NCL: variants seen among roughly 807,000 people sequenced by gnomAD.
NCL encodes nucleolin multifunctional protein.
NCL carries 4 observed loss-of-function variants against 77.7 expected under a neutral mutation model. The observed-to-expected ratio is 0.05, with a 90% CI of 0.03 to 0.12. The LOEUF is 0.12. Ranked by LOEUF, NCL falls within the 10% of genes least tolerant of loss-of-function variation. The pLI is 1.00. For missense variants in NCL, 763 were observed against 860.9 expected (o/e 0.89, Z 1.42); for synonymous variants, 344 against 297.8 (o/e 1.16, Z -1.60).
rs771632006 is a variant in NCL at position 231,455,887 on chromosome 2, C to A, written c.1832+123G>T. 4.8e-6 allele frequency: 7 copies of A among 1,469,028 alleles called. No individual in the cohort carries two copies. The Admixed American group carries it at 1.2e-4, about 25-fold the overall frequency. 91.0% of individuals were successfully genotyped at this position (1,469,028 alleles called of 1,614,324 possible). A position where few individuals can be genotyped will look rare whatever the true frequency, so the allele number is the denominator to read the frequency against. ...CTGTGAATTCTCTCTTCTTCTCGTG[C>A]GAATCCATAAACTGCCACTGATAGA... On this transcript the variant is annotated intron_variant, in intron 12 of 13. Coordinates refer to ENST00000322723, the MANE Select transcript of NCL (RefSeq NM_005381.3).
chr2:231,462,456 T>C (rs535810930), intron 2 of NCL: 1 of 445,552 alleles, frequency 2.2e-6, no homozygotes, highest in African/African-American at 2.0e-5. Flanking sequence ...CCAAGCCCAG[T>C]GAAGCTCAAT....
rs199522934 is a variant in NCL at position 231,455,603 on chromosome 2, G to A, written c.1854C>T (p.Asn618=). The A allele has an allele frequency of 5.6e-6, 9 of 1,614,098 alleles. No individual in the cohort carries two copies. The highest frequency in any genetic ancestry group is 7.6e-6 in the Non-Finnish European group (9 of 1,180,022). ...TGGCAGCTTTGGCATCCTCCTCACT[G>A]TTGAAGTCTACAAAACCAAACCTAG... is the stretch of plus-strand genomic sequence containing the variant. ...SSKGFGFVDF[N]SEEDAKAAKE... is the part of the protein sequence containing the mutation. Residue 618 remains asparagine (N), a synonymous_variant, in exon 13 of 14, where the codon AAC becomes AAT. Coordinates refer to ENST00000322723, the MANE Select transcript of NCL (RefSeq NM_005381.3).
chr2:231,463,331 A>G lies in NCL; in HGVS notation c.19-15T>C, dbSNP rs759283715. Reference sequence around the variant, plus strand: ...TTTTTACCTGCCTAAAATGGACACAAATAGATCATTACACCTCCACCTCGA... The same window carrying G: ...TTTTTACCTGCCTAAAATGGACACAGATAGATCATTACACCTCCACCTCGA... On this transcript the variant is annotated splice_polypyrimidine_tract_variant and intron_variant, in intron 1 of 13. Transcript: ENST00000322723. 6.6e-7 allele frequency: 1 copy of G among 1,515,148 alleles called. No homozygotes were observed. Among genetic ancestry groups the G allele is most frequent in the Non-Finnish European group, 9.1e-7 (1 of 1,093,690 alleles). 93.9% of individuals were successfully genotyped at this position (1,515,148 alleles called of 1,614,324 possible).
rs2046933718 is a variant in NCL, at chr2:231,460,249, T to G, written c.943A>C (p.Asn315His). 1 of 1,613,976 alleles carries G rather than the reference T, an allele frequency of 6.2e-7. No homozygotes were observed. The highest frequency in any genetic ancestry group is 1.3e-5 in the African/African-American group (1 of 74,930). The change falls in exon 6 of 14, where the codon AAC becomes CAC. Residue 315 changes from asparagine to histidine, a missense_variant. Coordinates refer to ENST00000322723, the MANE Select transcript of NCL (RefSeq NM_005381.3). Reference sequence around the variant, plus strand: ...AATTCAGGAGCAGATTTGTTAAAGTTTAGGTTTCCAACAAAGAGATTGAAA... The same window carrying G: ...AATTCAGGAGCAGATTTGTTAAAGTGTAGGTTTCCAACAAAGAGATTGAAA... ...TAFNLFVGNL[N>H]FNKSAPELKT...
At chr2:231,457,324 T>G (rs111706495) in intron 9 of NCL, 200 bp from the exon 10 acceptor site, 11 of 815,684 alleles carry the variant, frequency 1.3e-5, no homozygotes, top group Non-Finnish European at 2.1e-5. Context: ...TGTTCTTACA[T>G]AGGCTGATGA....
At chr2:231,456,196 C>T (rs2046886201) in intron 11 of NCL, 60 bp from the exon 12 acceptor site, 1 of 1,602,694 alleles carries the variant, frequency 6.2e-7, no homozygotes, top group Non-Finnish European at 8.5e-7. Context: ...ACTGAATTTG[C>T]ACAATGCCTA....
In NCL at chr2:231,460,146, A is replaced by G. The variant is rs780127067; in HGVS notation, c.1040+6T>C. On this transcript the variant is annotated splice_donor_region_variant and intron_variant, in intron 6 of 13. Coordinates refer to ENST00000322723, the MANE Select transcript of NCL (RefSeq NM_005381.3). ...ACGTGTATGTAACGTGCAGTGAAGC[A>G]CTTACCTAGTCATACCAATTCTGAC... The G allele has an allele frequency of 2.3e-5, 37 of 1,610,486 alleles. No homozygotes were observed. Among genetic ancestry groups the G allele is most frequent in the East Asian group, 8.9e-5 (4 of 44,886 alleles).
At chr2:231,462,615 G>A (rs2046963237) in intron 2 of NCL, 2 of 500,830 alleles carry the variant, frequency 4.0e-6, no homozygotes, top group South Asian at 1.4e-5. Flanking sequence ...ATGTGTGGAA[G>A]AGTAAAACTT....
rs148336235 is a variant in NCL at position 231,461,882 on chromosome 2, C to T, written c.271G>A (p.Ala91Thr). The T allele has an allele frequency of 4.3e-6, 7 of 1,614,234 alleles. No homozygotes were observed. Among genetic ancestry groups the T allele is most frequent in the East Asian group, 2.2e-5 (1 of 44,890 alleles). Reference protein sequence around the residue: ...AAVTPGKKAAATPAKKTVTPA... With the variant: ...AAVTPGKKAATTPAKKTVTPA... ...GTAACTGTCTTCTTGGCAGGTGTTGCTGCTGCCTTTTTGCCTGGAGTGACA... is the reference window on the plus strand; with the variant it reads ...GTAACTGTCTTCTTGGCAGGTGTTGTTGCTGCCTTTTTGCCTGGAGTGACA... The change falls in exon 3 of 14, where the codon GCA (alanine) becomes ACA (threonine). Residue 91 changes from alanine (A) to threonine (T), a missense_variant. Around this residue, in one of 2 missense-constraint regions of NCL, gnomAD observed 590 missense variants for 570.5 expected, o/e 1.03. Transcript: ENST00000322723.
chr2:231,455,138 A>G lies in NCL; in HGVS notation c.*53T>C, dbSNP rs1202537528. ...TCTGTCATTGATCAGGTAACAGTAA[A>G]AACCCCAGAGTCCTTTCTTTCAAAT... On this transcript the variant is annotated 3_prime_UTR_variant, in exon 14 of 14. Coordinates refer to ENST00000322723, the MANE Select transcript of NCL (RefSeq NM_005381.3). 1 of 1,601,878 alleles carries G rather than the reference A, an allele frequency of 6.2e-7. No individual in the cohort carries two copies. Among genetic ancestry groups the G allele is most frequent in the Non-Finnish European group, 8.5e-7 (1 of 1,170,126 alleles).
At chr2:231,460,912 A>T in intron 3 of NCL, 46 bp from the exon 4 acceptor site, 1 of 1,430,972 alleles carries the variant, frequency 7.0e-7, no homozygotes. Flanking sequence ...CCCAAAACCA[A>T]CATCGGTTTT....
intron 6 of NCL, among the ~76,000 whole-genome samples, 183 bp from the exon 7 acceptor site, chr2:231,459,308 A>G (rs1338430994): frequency 1.3e-5 from 2 of 152,202 alleles, no homozygotes; most frequent in Non-Finnish European, 2.9e-5. Context: ...CTCAGCATGA[A>G]GATATGACAT....
chr2:231,454,846 C>CAAAAAAAAAAAAA lies in NCL; in HGVS notation c.*332_*344dup, dbSNP rs201409564. On this transcript the variant is annotated 3_prime_UTR_variant, in exon 14 of 14. Transcript: ENST00000322723. The stretch of plus-strand genomic sequence containing the variant: ...CTTTTCTTTTACAACCCCACGAACG[C>CAAAAAAAAAAAAA]AAAAAAAAAAAAAACAAAAACAAAA... The CAAAAAAAAAAAAA allele has an allele frequency of 2.8e-4, 27 of 97,102 alleles. No individual in the cohort carries two copies. The highest frequency in any genetic ancestry group is 4.5e-4 in the Non-Finnish European group (20 of 44,628). 6.0% of individuals were successfully genotyped at this position (97,102 alleles called of 1,614,324 possible). A position where few individuals can be genotyped will look rare whatever the true frequency, so the allele number is the denominator to read the frequency against.
rs1431389033 is a variant in NCL at position 231,460,852 on chromosome 2, C to G, written c.628G>C (p.Ala210Pro). The G allele has an allele frequency of 6.2e-7, 1 of 1,613,916 alleles. No homozygotes were observed. The highest frequency in any genetic ancestry group is 1.7e-5 in the Admixed American group (1 of 59,996). ...DDEEDDSEEE[A>P]METTPAKGKK... ...CCTTTGGCTGGTGTAGTCTCCATAG[C>G]TTCTTCTTCAGAGTCTGAAAGAGAA... The change falls in exon 4 of 14, where the codon GCT becomes CCT. Residue 210 changes from alanine to proline, a missense_variant. Ala to Pro is a conservative substitution (Grantham distance 27). Coordinates refer to ENST00000322723, the MANE Select transcript of NCL (RefSeq NM_005381.3).
intron 4 of NCL, 37 bp downstream of exon 4, chr2:231,460,632 A>T (rs577431748): frequency 9.3e-6 from 15 of 1,613,994 alleles, no homozygotes; most frequent in Non-Finnish European, 1.3e-5. Flanking sequence ...TCCTTTAAAC[A>T]TAACTCATGT....
rs61754968 is a variant in NCL at position 231,461,565 on chromosome 2, C to A, written c.588G>T (p.Glu196Asp). Reference sequence around the variant, plus strand: ...CATCTTCCTCATCGTCATCGTCATCCTCATCATCTTCGTCATCCTCATCGT... The same window carrying A: ...CATCTTCCTCATCGTCATCGTCATCATCATCATCTTCGTCATCCTCATCGT... ...DEDDEDDEDD[E>D]DDDDDEEDDS... The change falls in exon 3 of 14, where the codon GAG becomes GAT. Residue 196 changes from glutamate to aspartate, a missense_variant. Coordinates refer to ENST00000322723, the MANE Select transcript of NCL (RefSeq NM_005381.3). 2 of 1,613,344 alleles carry A rather than the reference C, an allele frequency of 1.2e-6. No homozygotes were observed. The highest frequency in any genetic ancestry group is 2.7e-5 in the African/African-American group (2 of 74,796).
intron 1 of NCL, 143 bp downstream of exon 1, chr2:231,464,192 TC>T (rs1366035138): frequency 2.7e-6 from 4 of 1,462,412 alleles, no homozygotes; most frequent in African/African-American, 2.8e-5. Flanking sequence ...CCGCGAGACC[TC>T]CCCACTAATC....
chr2:231,463,941 C>A (rs2046975746), intron 1 of NCL: 1 of 243,192 alleles, frequency 4.1e-6, no homozygotes, highest in Non-Finnish European at 7.3e-6. Context: ...CGGCCCAAGG[C>A]ACCCGGTCCC....
intron 9 of NCL, 96 bp from the exon 10 acceptor site, chr2:231,457,220 T>C: frequency 6.6e-7 from 1 of 1,509,830 alleles, no homozygotes; most frequent in Non-Finnish European, 9.2e-7. Context: ...TTTCAGTGCT[T>C]GAGTTAATAT....
Sources: gnomAD v4.1 joint callset for allele counts (sites outside exome capture counted in the v4.1 genomes callset) on GRCh38, gnomAD v4.1.1 for gene constraint, gnomAD v4.1.1 regional missense constraint, MANE v1.5 for transcripts, NCBI Gene and HGNC (gene_info 2026-07-23, HGNC 2026-07-21) for gene names.